ZC3H12B: variants seen among roughly 807,000 people sequenced by gnomAD.
ZC3H12B encodes probable ribonuclease ZC3H12B.
ZC3H12B carries 7 observed loss-of-function variants against 43.9 expected under a neutral mutation model. The ratio of observed to expected loss-of-function variants is 0.16; its 90% confidence interval spans 0.09 to 0.30. The LOEUF is 0.30. ZC3H12B is among the 10% of genes least tolerant of loss of function. The pLI is 1.00. For missense variants in ZC3H12B, 475 were observed against 670.2 expected (o/e 0.71, Z 3.22); for synonymous variants, 222 against 241.7 (o/e 0.92, Z 0.76).
chrX:65,316,326 C>T, the ZC3H12B span, among the ~76,000 whole-genome samples: 5 of 111,581 alleles, frequency 4.5e-5, no homozygotes, highest in Non-Finnish European at 7.5e-5. Context: ...AGGAAGAGAA[C>T]CTCTGTGAGG....
the ZC3H12B span, among the ~76,000 whole-genome samples, chrX:65,041,769 CCA>C: frequency 8.9e-6 from 1 of 111,787 alleles, no homozygotes; most frequent in East Asian, 2.8e-4. Context: ...TTCTTCTTCC[CCA>C]GTTCTGAAAT....
chrX:65,049,896 C>A, the ZC3H12B span, among the ~76,000 whole-genome samples: 1 of 111,193 alleles, frequency 9.0e-6, no homozygotes, highest in South Asian at 3.7e-4. Context: ...TAATTGAGAT[C>A]TTTCTTTCTT....
chrX:65,158,694 T>C, the ZC3H12B span, among the ~76,000 whole-genome samples: 1 of 111,700 alleles, frequency 9.0e-6, no homozygotes, highest in Non-Finnish European at 1.9e-5. Context: ...ATGAGTAGGT[T>C]ACGAAAATTT....
chrX:65,272,253 C>G, the ZC3H12B span: 2 of 84,307 alleles, frequency 2.4e-5, no homozygotes, highest in Non-Finnish European at 3.9e-5. Context: ...AAAGAAAGAG[C>G]CTAATACTAA....
intron 2 of ZC3H12B, among the ~76,000 whole-genome samples, chrX:65,397,907 A>G (rs963194104): frequency 8.9e-6 from 1 of 112,322 alleles, no homozygotes; most frequent in African/African-American, 3.2e-5. Flanking sequence ...AAAATCTATT[A>G]GAACTGATAA....
At chrX:65,041,374 A>G in the ZC3H12B span, among the ~76,000 whole-genome samples, 1 of 111,793 alleles carries the variant, frequency 8.9e-6, no homozygotes, top group Non-Finnish European at 1.9e-5. Context: ...GCAGCATTGG[A>G]GCTTTTTTAC....
chrX:65,439,620 T>A (rs1038703859), intron 3 of ZC3H12B, among the ~76,000 whole-genome samples: 1 of 112,139 alleles, frequency 8.9e-6, no homozygotes, highest in Non-Finnish European at 1.9e-5. Flanking sequence ...AAGCATGTGT[T>A]ACTGTGTCAT....
chrX:65,336,325 C>G, the ZC3H12B span, among the ~76,000 whole-genome samples: 1 of 108,247 alleles, frequency 9.2e-6, no homozygotes, highest in Non-Finnish European at 2.0e-5. Context: ...CAACCCAGCC[C>G]GCTACACCAT....
At chrX:65,205,194 C>G in the ZC3H12B span, among the ~76,000 whole-genome samples, 3 of 111,302 alleles carry the variant, frequency 2.7e-5, no homozygotes, top group African/African-American at 9.8e-5. Flanking sequence ...TTTTGTTCAA[C>G]CGGATTATCA....
At chrX:65,155,248 G>C in the ZC3H12B span, among the ~76,000 whole-genome samples, 1 of 110,429 alleles carries the variant, frequency 9.1e-6, no homozygotes. Flanking sequence ...ATGATCCACT[G>C]AGTCTGGCCT....
the ZC3H12B span, among the ~76,000 whole-genome samples, chrX:65,106,750 G>T: frequency 9.0e-6 from 1 of 111,225 alleles, no homozygotes; most frequent in Admixed American, 9.6e-5. Flanking sequence ...GTTCAGTTTG[G>T]TGAATAATAG....
At chrX:65,379,184 C>A (rs1421150446) in intron 2 of ZC3H12B, among the ~76,000 whole-genome samples, 3 of 111,946 alleles carry the variant, frequency 2.7e-5, no homozygotes, top group African/African-American at 9.7e-5. Context: ...ACAACAGTAA[C>A]CTCCGCAGAC....
the ZC3H12B span, among the ~76,000 whole-genome samples, chrX:65,085,743 G>A: frequency 2.8e-5 from 3 of 109,008 alleles, no homozygotes; most frequent in African/African-American, 1.0e-4. Flanking sequence ...TTTCACTTCA[G>A]TATGGGCTAT....
the ZC3H12B span, among the ~76,000 whole-genome samples, chrX:65,309,581 G>T: frequency 8.9e-6 from 1 of 111,799 alleles, no homozygotes; most frequent in African/African-American, 3.3e-5. Context: ...AGAGGAGCTG[G>T]TACCATTCCT....
intron 2 of ZC3H12B, among the ~76,000 whole-genome samples, chrX:65,388,951 G>A (rs750038811): frequency 2.5e-4 from 28 of 111,720 alleles, no homozygotes; most frequent in African/African-American, 4.2e-4. Context: ...GCAGAACAGC[G>A]GATATTGGTG....
chrX:65,119,348 G>C, the ZC3H12B span, among the ~76,000 whole-genome samples: 1 of 111,776 alleles, frequency 8.9e-6, no homozygotes, highest in Non-Finnish European at 1.9e-5. Context: ...CATTCTAACT[G>C]TTGTGAGATG....
chrX:65,322,228 G>A, the ZC3H12B span, among the ~76,000 whole-genome samples: 11 of 111,054 alleles, frequency 9.9e-5, no homozygotes, highest in African/African-American at 3.3e-4. Context: ...GCTCTCACAG[G>A]AACTAATACA....
the ZC3H12B span, among the ~76,000 whole-genome samples, chrX:65,074,756 T>G: frequency 2.7e-5 from 3 of 112,080 alleles, no homozygotes; most frequent in African/African-American, 9.7e-5. Context: ...ATTGAAACTG[T>G]CTAGTGAATT....
chrX:65,153,459 G>A, the ZC3H12B span, among the ~76,000 whole-genome samples: 1,337 of 112,365 alleles, frequency 0.012, 19 homozygotes, highest in African/African-American at 0.041. Context: ...CATTTATGCA[G>A]CCAAAAAACA....
Sources: gnomAD v4.1 joint callset for allele counts (sites outside exome capture counted in the v4.1 genomes callset) on GRCh38, gnomAD v4.1.1 for gene constraint, MANE v1.5 for transcripts, NCBI Gene and HGNC (gene_info 2026-07-23, HGNC 2026-07-21) for gene names.